Variants in TESK2 observed in about 807,000 individuals in gnomAD.
The protein encoded by TESK2 is dual specificity testis-specific protein kinase 2.
Under a neutral mutation model 57.1 loss-of-function variants are expected in TESK2, and 39 were observed. The ratio of observed to expected loss-of-function variants is 0.68; its 90% CI spans 0.53 to 0.89. The LOEUF is 0.89. Ranked by LOEUF, TESK2 falls within the 40% of genes least tolerant of loss-of-function variation. The pLI, the probability that TESK2 is intolerant of heterozygous loss-of-function variation, is 0.00. For missense variants in TESK2, 646 were observed against 732.1 expected (o/e 0.88, Z 1.36); for synonymous variants, 249 against 267.9 (o/e 0.93, Z 0.69).
intron 3 of TESK2, among the ~76,000 whole-genome samples, chr1:45,400,265 G>A (rs564362415): frequency 6.6e-6 from 1 of 152,264 alleles, no homozygotes; most frequent in South Asian, 2.1e-4. Context: ...TCTATGAGCC[G>A]AGGAATGCAA....
chr1:45,401,953 G>T (rs1036977865), intron 3 of TESK2, among the ~76,000 whole-genome samples: 1 of 151,828 alleles, frequency 6.6e-6, no homozygotes, highest in African/African-American at 2.4e-5. Flanking sequence ...GATTCTAAAG[G>T]TTATGGTAAC....
intron 3 of TESK2, among the ~76,000 whole-genome samples, chr1:45,402,300 G>A (rs540851620): frequency 2.9e-4 from 44 of 151,024 alleles, no homozygotes; most frequent in African/African-American, 9.9e-4. Context: ...AGACAGCCAG[G>A]AGGATCACTT....
intron 5 of TESK2, among the ~76,000 whole-genome samples, chr1:45,353,400 T>TGCA (rs1647287946): frequency 1.3e-5 from 2 of 152,214 alleles, no homozygotes; most frequent in Non-Finnish European, 2.9e-5. Context: ...TCAGGAACAG[T>TGCA]GCAGCTGACT....
intron 3 of TESK2, among the ~76,000 whole-genome samples, chr1:45,411,960 T>C (rs1290781262): frequency 6.6e-6 from 1 of 152,190 alleles, no homozygotes; most frequent in Non-Finnish European, 1.5e-5. Flanking sequence ...CCTGCCTCAG[T>C]GTGATTTCTA....
intron 4 of TESK2, among the ~76,000 whole-genome samples, chr1:45,364,389 A>G (rs1647819965): frequency 6.6e-6 from 1 of 152,228 alleles, no homozygotes; most frequent in South Asian, 2.1e-4. Flanking sequence ...GGACTGAGAC[A>G]TCTACAAGCC....
chr1:45,464,446 T>C (rs1333372183), intron 1 of TESK2, among the ~76,000 whole-genome samples: 12 of 151,526 alleles, frequency 7.9e-5, no homozygotes, highest in East Asian at 1.9e-4. Flanking sequence ...AAAAGTCTTA[T>C]AGTTTTCATT....
At chr1:45,359,390 T>TGG (rs1647579426) in intron 4 of TESK2, among the ~76,000 whole-genome samples, 1 of 151,846 alleles carries the variant, frequency 6.6e-6, no homozygotes, top group Non-Finnish European at 1.5e-5. Context: ...TGAAACCCCA[T>TGG]CTCTACTAAA....
chr1:45,355,640 C>A (rs1647388523), intron 4 of TESK2, among the ~76,000 whole-genome samples, 191 bp from the exon 5 acceptor site: 2 of 152,000 alleles, frequency 1.3e-5, no homozygotes, highest in Admixed American at 1.3e-4. Flanking sequence ...AGATCACAAT[C>A]TATTAAGGGA....
chr1:45,417,451 C>T (rs570767839), intron 3 of TESK2, among the ~76,000 whole-genome samples: 3 of 151,918 alleles, frequency 2.0e-5, no homozygotes, highest in African/African-American at 4.8e-5. Context: ...AGGCTGGTCT[C>T]GAACTCCCGA....
intron 3 of TESK2, among the ~76,000 whole-genome samples, chr1:45,420,213 T>C (rs1557565828): frequency 1.3e-5 from 2 of 152,138 alleles, no homozygotes; most frequent in African/African-American, 2.4e-5. Flanking sequence ...TGAGACCTTA[T>C]CTCATTTAAG....
At chr1:45,472,409 T>C (rs1484904515) in intron 1 of TESK2, among the ~76,000 whole-genome samples, 1 of 151,392 alleles carries the variant, frequency 6.6e-6, no homozygotes, top group African/African-American at 2.4e-5. Flanking sequence ...AATACAAAAA[T>C]TAGCCAGGCA....
chr1:45,401,174 A>G (rs1649581194), intron 3 of TESK2, among the ~76,000 whole-genome samples: 1 of 152,058 alleles, frequency 6.6e-6, no homozygotes. Flanking sequence ...AGGCAGGTGG[A>G]TCACCTGAGG....
intron 5 of TESK2, among the ~76,000 whole-genome samples, chr1:45,348,257 G>A (rs758604210): frequency 3.3e-5 from 5 of 152,186 alleles, no homozygotes; most frequent in Non-Finnish European, 7.3e-5. Context: ...TGCTTTCTAA[G>A]TGCTAGGCAT....
intron 4 of TESK2, among the ~76,000 whole-genome samples, chr1:45,358,286 C>G (rs1479589856): frequency 6.6e-6 from 1 of 151,148 alleles, no homozygotes; most frequent in African/African-American, 2.4e-5. Context: ...GCACTCCAGC[C>G]TGGGCAACAG....
intron 1 of TESK2, among the ~76,000 whole-genome samples, chr1:45,483,158 G>A (rs1653303247): frequency 1.3e-5 from 2 of 151,348 alleles, no homozygotes; most frequent in African/African-American, 4.9e-5. Context: ...GCGGGTACCT[G>A]TAATCCCAGC....
chr1:45,356,625 A>G (rs915803460), intron 4 of TESK2, among the ~76,000 whole-genome samples: 3 of 151,652 alleles, frequency 2.0e-5, no homozygotes, highest in Admixed American at 6.6e-5. Flanking sequence ...TCTTAAAAAA[A>G]AAAAAAAAAA....
intron 3 of TESK2, among the ~76,000 whole-genome samples, chr1:45,400,748 A>G (rs1317111129): frequency 6.6e-6 from 1 of 152,068 alleles, no homozygotes; most frequent in African/African-American, 2.4e-5. Context: ...AGAGCCAGGC[A>G]TGGTGGCTCA....
At chr1:45,478,379 CACTGG>C (rs1410976166) in intron 1 of TESK2, among the ~76,000 whole-genome samples, 9 of 152,168 alleles carry the variant, frequency 5.9e-5, no homozygotes, top group Non-Finnish European at 1.3e-4. Context: ...TCATCTCTTT[CACTGG>C]ACTATGAGCT....
At chr1:45,348,030 A>C in intron 5 of TESK2, 30 bp from the exon 6 acceptor site, 1 of 1,471,066 alleles carries the variant, frequency 6.8e-7, no homozygotes, top group Non-Finnish European at 9.5e-7. Context: ...AGAGAAAATA[A>C]TGTGGCTCAG....
Sources: gnomAD v4.1 joint callset for allele counts (sites outside exome capture counted in the v4.1 genomes callset) on GRCh38, gnomAD v4.1.1 for gene constraint, MANE v1.5 for transcripts, NCBI Gene and HGNC (gene_info 2026-07-23, HGNC 2026-07-21) for gene names.